CELF2: variants seen among roughly 807,000 people sequenced by gnomAD.
The protein encoded by CELF2 is CUG triplet repeat RNA-binding protein 2.
A neutral mutation model predicts 62.6 loss-of-function variants in CELF2; 8 were observed. The ratio of observed to expected loss-of-function variants is 0.13; its 90% CI spans 0.07 to 0.23. CELF2 has a LOEUF of 0.23. Ranked by LOEUF, CELF2 falls within the 10% of genes least tolerant of loss-of-function variation. The pLI is 1.00. For missense variants in CELF2, 333 were observed against 671.0 expected, an observed-to-expected ratio of 0.50 and a Z score of 5.56; for synonymous variants, 258 against 250.0, an observed-to-expected ratio of 1.03 and a Z score of -0.30.
the CELF2 span, among the ~76,000 whole-genome samples, chr10:10,705,756 T>C: frequency 7.9e-5 from 12 of 152,224 alleles, no homozygotes; most frequent in African/African-American, 2.9e-4. Context: ...TCCCGGTTCA[T>C]GTATAACATT....
intron 1 of CELF2, among the ~76,000 whole-genome samples, chr10:11,044,401 C>A (rs1159004920): frequency 6.6e-6 from 1 of 152,198 alleles, no homozygotes; most frequent in Non-Finnish European, 1.5e-5. Flanking sequence ...TTTGGCATCA[C>A]TCAGTCTTTG....
chr10:10,537,127 T>G, the CELF2 span, among the ~76,000 whole-genome samples: 23 of 152,162 alleles, frequency 1.5e-4, no homozygotes, highest in Non-Finnish European at 2.9e-4. Context: ...AAGCCTCCTC[T>G]TCCTCCAGCC....
intron 1 of CELF2, among the ~76,000 whole-genome samples, chr10:11,096,888 T>C (rs774728604): frequency 6.6e-6 from 1 of 152,218 alleles, no homozygotes; most frequent in Non-Finnish European, 1.5e-5. Context: ...TACTTGACCT[T>C]AATCTGACGA....
chr10:10,932,694 G>GTGTGTGTGTA (rs1406935763), intron 2 of CELF2, among the ~76,000 whole-genome samples: 11 of 149,830 alleles, frequency 7.3e-5, no homozygotes, highest in South Asian at 4.2e-4. Flanking sequence ...GTGTGTGTGT[G>GTGTGTGTGTA]TATATATATA....
At chr10:10,489,776 A>G in the CELF2 span, among the ~76,000 whole-genome samples, 1 of 149,732 alleles carries the variant, frequency 6.7e-6, no homozygotes, top group East Asian at 2.1e-4. Flanking sequence ...GACGAAAATC[A>G]GCAAAATGGT....
the CELF2 span, among the ~76,000 whole-genome samples, chr10:10,671,557 G>A: frequency 2.0e-5 from 3 of 152,218 alleles, no homozygotes; most frequent in African/African-American, 7.2e-5. Flanking sequence ...CACAAGCAGC[G>A]AATGAGAGTT....
chr10:10,843,316 T>C (rs1271986996), intron 1 of CELF2, among the ~76,000 whole-genome samples: 1 of 152,084 alleles, frequency 6.6e-6, no homozygotes, highest in Non-Finnish European at 1.5e-5. Context: ...CTCCTCTAAT[T>C]ATTTCTTTTC....
intron 5 of CELF2, 32 bp downstream of exon 5, chr10:11,257,904 T>C (rs1296757910): frequency 6.2e-7 from 1 of 1,612,168 alleles, no homozygotes; most frequent in East Asian, 2.2e-5. Flanking sequence ...CCTCTCCCCT[T>C]CAGTGCTAAT....
At chr10:10,673,034 AT>A in the CELF2 span, among the ~76,000 whole-genome samples, 39 of 150,442 alleles carry the variant, frequency 2.6e-4, no homozygotes, top group South Asian at 1.0e-3. Context: ...ATTCCTAAGC[AT>A]TTTTTTTTGA....
chr10:10,774,779 G>T, the CELF2 span, among the ~76,000 whole-genome samples: 2 of 152,180 alleles, frequency 1.3e-5, no homozygotes, highest in Non-Finnish European at 2.9e-5. Context: ...GGTGAGAAGG[G>T]ACCAGCGGGT....
At chr10:10,587,490 C>T in the CELF2 span, among the ~76,000 whole-genome samples, 1 of 152,102 alleles carries the variant, frequency 6.6e-6, no homozygotes, top group Admixed American at 6.6e-5. Context: ...GAAGCCTTCC[C>T]AATTATTTTA....
chr10:10,840,262 T>G (rs2132487542), intron 1 of CELF2, among the ~76,000 whole-genome samples: 1 of 152,338 alleles, frequency 6.6e-6, no homozygotes, highest in Non-Finnish European at 1.5e-5. Context: ...GAAGACTCTG[T>G]TTAGCTTTGT....
chr10:10,872,222 A>G (rs950735449), intron 1 of CELF2, among the ~76,000 whole-genome samples: 1 of 152,230 alleles, frequency 6.6e-6, no homozygotes, highest in Non-Finnish European at 1.5e-5. Flanking sequence ...CTGGGTTGCT[A>G]TGATTGTATC....
In CELF2 at chr10:11,157,736, G is replaced by C. The variant is rs77261287; in HGVS notation, c.75-7750G>C. On this transcript the variant is annotated intron_variant, in intron 1 of 12. Coordinates refer to ENST00000633077, the MANE Select transcript of CELF2 (RefSeq NM_001326342.2). The surrounding 1 kb of genome is among the most constrained non-coding windows in gnomAD (Gnocchi z 4.9). ...AGGACTCAGGGTAAACCTCAGTTTT[G>C]TTTAAGATTCTGCAAAGGGGAAGAA... 4.6e-4 allele frequency among the ~76,000 whole-genome samples: 70 copies of C among 152,336 alleles called. No homozygotes were observed. The East Asian group carries it at 0.01, about 23-fold the overall frequency.
chr10:10,701,327 G>A, the CELF2 span, among the ~76,000 whole-genome samples: 2 of 152,188 alleles, frequency 1.3e-5, no homozygotes, highest in Non-Finnish European at 2.9e-5. Flanking sequence ...TATGAGCTCG[G>A]CTCCAAATGT....
chr10:10,641,152 A>G, the CELF2 span, among the ~76,000 whole-genome samples: 9 of 152,280 alleles, frequency 5.9e-5, no homozygotes, highest in African/African-American at 1.7e-4. Context: ...ATCAACAACA[A>G]TAACCATATT....
intron 7 of CELF2, among the ~76,000 whole-genome samples, chr10:11,272,065 A>AC (rs1388988684): frequency 6.6e-6 from 1 of 151,944 alleles, no homozygotes; most frequent in Non-Finnish European, 1.5e-5. Flanking sequence ...TAGCTGCCCC[A>AC]CCCCCAGTGC....
intron 4 of CELF2, among the ~76,000 whole-genome samples, chr10:11,256,218 C>G (rs1281714835): frequency 1.3e-5 from 2 of 152,180 alleles, no homozygotes; most frequent in Admixed American, 6.5e-5. Context: ...CACACCAGTC[C>G]CTTTAAGTGC....
intron 1 of CELF2, among the ~76,000 whole-genome samples, chr10:11,143,717 G>A (rs531270620): frequency 6.6e-6 from 1 of 152,298 alleles, no homozygotes; most frequent in Non-Finnish European, 1.5e-5. Flanking sequence ...AAAGGCACCA[G>A]TCTTAGTATA....
Sources: allele counts gnomAD v4.1 joint callset (sites outside exome capture counted in the v4.1 genomes callset), GRCh38; gene constraint gnomAD v4.1.1; non-coding constraint Gnocchi (gnomAD v3.1); transcripts MANE v1.5; gene names NCBI Gene and HGNC (gene_info 2026-07-23, HGNC 2026-07-21).